TENM3: variants seen among roughly 807,000 people sequenced by gnomAD.
TENM3 encodes the protein teneurin-3.
A neutral mutation model predicts 255.1 loss-of-function variants in TENM3; 63 were observed. That is an observed-to-expected ratio of 0.25 (90% confidence interval 0.20 to 0.30). TENM3 has a LOEUF of 0.30. Among genes scored for constraint, TENM3 ranks in the 10% least tolerant of loss-of-function variants. The pLI is 1.00. For synonymous variants in TENM3, 1,306 were observed against 1,322.3 expected (o/e 0.99, Z 0.27); for missense variants, 2,929 against 3,461.1 (o/e 0.85, Z 3.86).
the TENM3 span, among the ~76,000 whole-genome samples, chr4:181,851,514 C>T: frequency 6.6e-6 from 1 of 152,128 alleles, no homozygotes; most frequent in African/African-American, 2.4e-5. Context: ...AGGGTAGATA[C>T]GAGCCCTCCT....
In TENM3 at chr4:182,301,749, A is replaced by G. The variant is rs1761868874; in HGVS notation, c.-75-22197A>G. Among the ~76,000 whole-genome samples, 4 of 152,150 alleles carry G rather than the reference A, an allele frequency of 2.6e-5. No homozygotes were observed. In the South Asian group the frequency reaches 8.3e-4, roughly 32 times the overall value. On this transcript the variant is annotated intron_variant, in intron 1 of 27. Transcript: ENST00000511685. ...ACAGAATGAATACACTGGGAAGAGGAAGTTGAGCATATTCAGTCATAAAAG... is the reference window on the plus strand; with the variant it reads ...ACAGAATGAATACACTGGGAAGAGGGAGTTGAGCATATTCAGTCATAAAAG...
chr4:181,843,924 TG>T, the TENM3 span, among the ~76,000 whole-genome samples: 1 of 152,070 alleles, frequency 6.6e-6, no homozygotes, highest in Non-Finnish European at 1.5e-5. Flanking sequence ...TTCACCATGT[TG>T]GCCAGACTGG....
chr4:181,462,082 A>C, the TENM3 span, among the ~76,000 whole-genome samples: 1 of 152,206 alleles, frequency 6.6e-6, no homozygotes, highest in Non-Finnish European at 1.5e-5. Context: ...GGGAAGGTCC[A>C]AAGTAACTTG....
chr4:181,569,860 C>T, the TENM3 span, among the ~76,000 whole-genome samples: 1 of 152,066 alleles, frequency 6.6e-6, no homozygotes, highest in Non-Finnish European at 1.5e-5. Context: ...TTACTGAGTA[C>T]CTACTATGTG....
At chr4:181,736,275 G>A in the TENM3 span, among the ~76,000 whole-genome samples, 1 of 152,092 alleles carries the variant, frequency 6.6e-6, no homozygotes, top group Non-Finnish European at 1.5e-5. Flanking sequence ...TCCAGCCTGG[G>A]CGACAATAGC....
the TENM3 span, among the ~76,000 whole-genome samples, chr4:181,888,517 T>C: frequency 1.4e-4 from 2 of 14,526 alleles, no homozygotes; most frequent in African/African-American, 5.3e-4. Flanking sequence ...TATATATATG[T>C]ATATATATAC....
chr4:182,194,876 T>G (rs1185421769), intron 1 of TENM3, among the ~76,000 whole-genome samples: 11 of 152,216 alleles, frequency 7.2e-5, no homozygotes, highest in Non-Finnish European at 1.0e-4. Flanking sequence ...CTTTAAAGGT[T>G]AGACTGGCTA....
At chr4:181,466,073 G>C in the TENM3 span, among the ~76,000 whole-genome samples, 82 of 151,636 alleles carry the variant, frequency 5.4e-4, no homozygotes, top group African/African-American at 2.0e-3. Context: ...AACGTGGGTG[G>C]ATAATGCCTA....
At chr4:182,065,305 G>A in the TENM3 span, among the ~76,000 whole-genome samples, 2 of 152,154 alleles carry the variant, frequency 1.3e-5, no homozygotes, top group South Asian at 2.1e-4. Flanking sequence ...ACAGTGCTGG[G>A]ATTACAGGCG....
intron 3 of TENM3, among the ~76,000 whole-genome samples, chr4:182,427,401 C>T (rs1262189042): frequency 1.3e-5 from 2 of 152,144 alleles, no homozygotes; most frequent in Non-Finnish European, 2.9e-5. Flanking sequence ...CTTATCCTTT[C>T]GAAGAGCAAG....
the TENM3 span, among the ~76,000 whole-genome samples, chr4:182,102,699 G>C: frequency 5.9e-5 from 9 of 152,240 alleles, no homozygotes; most frequent in African/African-American, 2.2e-4. Flanking sequence ...CACAGCCTGG[G>C]GTATCAGACC....
the TENM3 span, among the ~76,000 whole-genome samples, chr4:182,036,490 C>T: frequency 6.6e-6 from 1 of 152,118 alleles, no homozygotes; most frequent in Non-Finnish European, 1.5e-5. Flanking sequence ...CGCACCCGGC[C>T]GATAATCTAA....
At chr4:182,048,342 C>T in the TENM3 span, among the ~76,000 whole-genome samples, 1 of 152,086 alleles carries the variant, frequency 6.6e-6, no homozygotes, top group East Asian at 1.9e-4. Flanking sequence ...TTACTATCTA[C>T]TTCCATTTTT....
intron 3 of TENM3, among the ~76,000 whole-genome samples, chr4:182,451,645 A>G (rs1167453923): frequency 2.6e-5 from 4 of 152,232 alleles, no homozygotes; most frequent in Non-Finnish European, 5.9e-5. Context: ...CCACCAGAAC[A>G]GCGTTGCTAA....
chr4:181,502,084 A>G, the TENM3 span, among the ~76,000 whole-genome samples: 1 of 152,170 alleles, frequency 6.6e-6, no homozygotes, highest in African/African-American at 2.4e-5. Context: ...GACTGTATTA[A>G]TGTTCTGGGA....
chr4:181,536,426 G>A, the TENM3 span, among the ~76,000 whole-genome samples: 1 of 152,238 alleles, frequency 6.6e-6, no homozygotes, highest in Non-Finnish European at 1.5e-5. Context: ...TCCAAGAGAG[G>A]AGCATTCTAG....
the TENM3 span, among the ~76,000 whole-genome samples, chr4:181,700,309 A>G: frequency 6.6e-6 from 1 of 151,862 alleles, no homozygotes; most frequent in Non-Finnish European, 1.5e-5. Flanking sequence ...TTTGCTTCTC[A>G]GGAATACATT....
the TENM3 span, among the ~76,000 whole-genome samples, chr4:182,131,835 T>C: frequency 3.9e-5 from 6 of 152,236 alleles, no homozygotes; most frequent in Non-Finnish European, 8.8e-5. Flanking sequence ...GGTGTTCTAG[T>C]GGACAGTTTT....
Position 182,442,823 on chromosome 4 carries a change from C to T in TENM3, c.511+95894C>T, listed in dbSNP as rs1432680431. On this transcript the variant is annotated intron_variant, in intron 3 of 27. Transcript: ENST00000511685. ...GTGTGTGTATATACACATATATATA[C>T]ATATATATACATACATACATATATA... 1.4e-4 allele frequency among the ~76,000 whole-genome samples: 19 copies of T among 136,882 alleles called. No individual in the cohort carries two copies. The Admixed American group carries it at 1.5e-3, about 11-fold the overall frequency. The allele number at this position is 136,882 out of a possible 152,430, so 89.8% of individuals were successfully genotyped here.
Sources: allele counts gnomAD v4.1 joint callset (sites outside exome capture counted in the v4.1 genomes callset), GRCh38; gene constraint gnomAD v4.1.1; transcripts MANE v1.5; gene names NCBI Gene and HGNC (gene_info 2026-07-23, HGNC 2026-07-21).